The following NCAM2 variants were observed in gnomAD, a reference collection of about 807,000 sequenced individuals.
NCAM2 encodes neural cell adhesion molecule 2.
A neutral mutation model predicts 98.1 loss-of-function variants in NCAM2; 30 were observed. That is an observed-to-expected ratio of 0.31 (90% CI 0.23 to 0.41). NCAM2 has a LOEUF of 0.41. Among genes scored for constraint, NCAM2 ranks in the 10% least tolerant of loss-of-function variants. The probability of loss-of-function intolerance (pLI) is 1.00; values close to 1 mark genes in which losing one functional copy is unlikely to be tolerated. For missense variants in NCAM2, 867 were observed against 1,005.8 expected, an observed-to-expected ratio of 0.86 and a Z score of 1.87; for synonymous variants, 368 against 342.4, an observed-to-expected ratio of 1.07 and a Z score of -0.83.
intron 1 of NCAM2, among the ~76,000 whole-genome samples, chr21:21,002,108 T>G (rs73228137): frequency 0.065 from 9,836 of 152,224 alleles, 316 homozygotes; most frequent in African/African-American, 0.074. Flanking sequence ...TCTTTTGCAC[T>G]TGGGGAAGAT....
chr21:21,483,430 A>C (rs901520926), intron 15 of NCAM2, among the ~76,000 whole-genome samples: 12 of 152,036 alleles, frequency 7.9e-5, no homozygotes, highest in African/African-American at 2.9e-4. Context: ...TTGTATTTTC[A>C]TGGGCTTTTA....
intron 11 of NCAM2, among the ~76,000 whole-genome samples, chr21:21,419,105 G>A (rs2077053324): frequency 6.6e-6 from 1 of 152,018 alleles, no homozygotes; most frequent in African/African-American, 2.4e-5. Flanking sequence ...TTAAATGTTA[G>A]CAAAGAATAT....
chr21:21,312,707 A>T (rs1016634956), intron 5 of NCAM2, among the ~76,000 whole-genome samples: 3 of 151,844 alleles, frequency 2.0e-5, no homozygotes, highest in Admixed American at 6.6e-5. Context: ...GACATGTTAA[A>T]TTATCAGCAT....
chr21:21,468,817 G>A (rs747551892), intron 14 of NCAM2, 34 bp downstream of exon 14: 3 of 1,573,418 alleles, frequency 1.9e-6, no homozygotes, highest in South Asian at 1.1e-5. Context: ...ATCATGCTAG[G>A]TTTTTTCAAA....
chr21:21,104,066 T>A (rs1485500508), intron 1 of NCAM2, among the ~76,000 whole-genome samples: 1 of 152,104 alleles, frequency 6.6e-6, no homozygotes, highest in Non-Finnish European at 1.5e-5. Context: ...TCCTTTTCAG[T>A]ATTATTTCTT....
At chr21:21,042,266 C>A (rs1485537997) in intron 1 of NCAM2, among the ~76,000 whole-genome samples, 1 of 152,086 alleles carries the variant, frequency 6.6e-6, no homozygotes, top group Admixed American at 6.5e-5. Flanking sequence ...CTCACCACAA[C>A]CTCTGCCTCC....
intron 1 of NCAM2, among the ~76,000 whole-genome samples, chr21:21,072,779 A>C (rs2065599406): frequency 6.6e-6 from 1 of 152,114 alleles, no homozygotes; most frequent in South Asian, 2.1e-4. Context: ...ATATATTTAC[A>C]ATTTTTTAAA....
At chr21:21,342,281 A>G (rs745705184) in intron 8 of NCAM2, among the ~76,000 whole-genome samples, 16 of 152,162 alleles carry the variant, frequency 1.1e-4, no homozygotes, top group Non-Finnish European at 2.1e-4. Flanking sequence ...CTCACTTTTG[A>G]TTTTGTGGAT....
At chr21:21,135,258 A>AC in intron 1 of NCAM2, among the ~76,000 whole-genome samples, 1 of 147,010 alleles carries the variant, frequency 6.8e-6, no homozygotes, top group East Asian at 2.0e-4. Context: ...AAAAAAAAAA[A>AC]AAAAAACTTC....
At chr21:21,429,759 T>G (rs1330599981) in intron 11 of NCAM2, among the ~76,000 whole-genome samples, 1 of 152,216 alleles carries the variant, frequency 6.6e-6, no homozygotes, top group Admixed American at 6.5e-5. Context: ...TTTGGATGCA[T>G]CAGAATTCTA....
intron 16 of NCAM2, among the ~76,000 whole-genome samples, chr21:21,513,887 A>G (rs938524929): frequency 2.0e-5 from 3 of 152,008 alleles, no homozygotes; most frequent in Non-Finnish European, 4.4e-5. Flanking sequence ...TTGGGTGCAT[A>G]CATATTTATA....
chr21:21,476,937 G>A (rs1258830600), intron 14 of NCAM2, among the ~76,000 whole-genome samples: 1 of 151,260 alleles, frequency 6.6e-6, no homozygotes, highest in Non-Finnish European at 1.5e-5. Context: ...TGTGTATCAT[G>A]TTTCATTTTC....
At chr21:21,273,079 C>A (rs2072589581) in intron 1 of NCAM2, among the ~76,000 whole-genome samples, 2 of 151,920 alleles carry the variant, frequency 1.3e-5, no homozygotes, top group African/African-American at 4.8e-5. Flanking sequence ...AGCTGAGTCT[C>A]AAGTGCTTGA....
At chr21:21,072,672 A>G (rs957689351) in intron 1 of NCAM2, among the ~76,000 whole-genome samples, 3 of 152,196 alleles carry the variant, frequency 2.0e-5, no homozygotes, top group African/African-American at 7.2e-5. Context: ...CTAAAAGAAT[A>G]CAAATTGTTG....
chr21:21,510,368 C>T (rs967926454), intron 16 of NCAM2, among the ~76,000 whole-genome samples: 4 of 152,088 alleles, frequency 2.6e-5, no homozygotes, highest in Non-Finnish European at 5.9e-5. Context: ...TCACCCAGGC[C>T]ATTGCTATTC....
At chr21:21,210,450 T>G in intron 1 of NCAM2, 14 of 1,083,360 alleles carry the variant, frequency 1.3e-5, no homozygotes, top group Non-Finnish European at 1.7e-5. Context: ...GGACACTCCA[T>G]GACATATTTA....
chr21:21,124,667 A>G (rs1402956758), intron 1 of NCAM2, among the ~76,000 whole-genome samples: 2 of 152,186 alleles, frequency 1.3e-5, no homozygotes, highest in Non-Finnish European at 2.9e-5. Flanking sequence ...GTCATGCCAT[A>G]GAAAGTTTAA....
intron 15 of NCAM2, among the ~76,000 whole-genome samples, chr21:21,495,997 T>TATATATGAAATATATATATA (rs1337283138): frequency 7.1e-6 from 1 of 141,182 alleles, no homozygotes; most frequent in Non-Finnish European, 1.5e-5. Flanking sequence ...TGTGTGTATA[T>TATATATGAAATATATATATA]ATATATGAAA....
At chr21:21,035,700 TTAAGAGTATTTGATAAGAGTGTTTGA>T (rs1353927647) in intron 1 of NCAM2, among the ~76,000 whole-genome samples, 6 of 152,174 alleles carry the variant, frequency 3.9e-5, no homozygotes, top group East Asian at 1.9e-4. Context: ...GAAACTGTAT[TTAAGAGTATTTGATAAGAGTGTTTGA>T]TAAGAGTATT....
Sources: allele counts gnomAD v4.1 joint callset (sites outside exome capture counted in the v4.1 genomes callset), GRCh38; gene constraint gnomAD v4.1.1; transcripts MANE v1.5; gene names NCBI Gene and HGNC (gene_info 2026-07-23, HGNC 2026-07-21).